NT5DC4: variants seen among roughly 807,000 people sequenced by gnomAD.
The protein encoded by NT5DC4 is 5'-nucleotidase domain containing 4.
In NT5DC4, 44 loss-of-function variants were observed where a neutral mutation model predicts 26.6. That is an observed-to-expected ratio of 1.65 (90% CI 1.30 to 2.13). The LOEUF is 2.13. NT5DC4 is among the 30% of genes most tolerant of loss of function. NT5DC4 has a pLI of 0.00. For missense variants in NT5DC4, 399 were observed against 228.1 expected (o/e 1.75, Z -4.83); for synonymous variants, 157 against 86.7 (o/e 1.81, Z -4.51).
intron 1 of NT5DC4, chr2:112,721,549 TG>T (rs1676860567): frequency 1.4e-6 from 1 of 717,748 alleles, no homozygotes; most frequent in East Asian, 2.7e-5. Context: ...GCCTGCATGG[TG>T]GGACAGCAAG....
At chr2:112,739,421 CA>C (rs1160233663), downstream of NT5DC4, among the ~76,000 whole-genome samples, 2 of 151,274 alleles carry the variant, frequency 1.3e-5, no homozygotes, top group African/African-American at 4.9e-5. Flanking sequence ...ACCCCAGTCT[CA>C]AAAAAAAGGC....
upstream of NT5DC4, among the ~76,000 whole-genome samples, chr2:112,720,012 C>CCTTCCTTCCTTCCTTCCTTCCTT (rs777830717): frequency 4.1e-4 from 40 of 97,654 alleles, no homozygotes; most frequent in African/African-American, 1.4e-3. Flanking sequence ...CTTTTCTTTT[C>CCTTCCTTCCTTCCTTCCTTCCTT]CCTTCCTTCC....
chr2:112,728,904 A>C (rs1008442428), intron 15 of NT5DC4, among the ~76,000 whole-genome samples: 1 of 152,062 alleles, frequency 6.6e-6, no homozygotes, highest in East Asian at 1.9e-4. Flanking sequence ...CACATGGGGG[A>C]ACTGGCTTTC....
chr2:112,732,930 C>T (rs1289673569), intron 16 of NT5DC4, among the ~76,000 whole-genome samples: 2 of 152,182 alleles, frequency 1.3e-5, no homozygotes, highest in African/African-American at 2.4e-5. Context: ...TAGATTAACA[C>T]GTGTCCTCAC....
intron 6 of NT5DC4, 67 bp from the exon 7 acceptor site, chr2:112,723,014 G>A: frequency 2.0e-6 from 1 of 499,680 alleles, no homozygotes; most frequent in Non-Finnish European, 3.8e-6. Flanking sequence ...TCTGGTGTGG[G>A]ACTCAGGGTT....
chr2:112,721,148 C>T lies in NT5DC4; in HGVS notation c.69C>T (p.His23=), dbSNP rs879069673. Among the ~76,000 whole-genome samples, 3 of 152,182 alleles carry T rather than the reference C, an allele frequency of 2.0e-5. No individual in the cohort carries two copies. The South Asian group carries it at 6.2e-4, about 32-fold the overall frequency. The change falls in exon 1 of 17, where the codon CAC becomes CAT. Residue 23 remains histidine, a synonymous_variant. Transcript: ENST00000688554. ...CTCAAGGCCCGAAGCAGGACTGGCA[C>T]CAGCGGTGAGATGGGCACCTGGGGT... ...VSPQGPKQDW[H]QRIFVNRSLA... is the part of the protein sequence containing the mutation.
intron 16 of NT5DC4, 108 bp from the exon 17 acceptor site, chr2:112,738,804 TA>T: frequency 2.6e-6 from 4 of 1,529,436 alleles, no homozygotes; most frequent in Non-Finnish European, 3.6e-6. Context: ...ACACCTTTTT[TA>T]AAAAAAGCAT....
chr2:112,740,760 C>CA, downstream of NT5DC4: 1 of 1,406,620 alleles, frequency 7.1e-7, no homozygotes, highest in South Asian at 1.3e-5. Context: ...AAGGAAAAAT[C>CA]GAGACTTGGA....
chr2:112,729,446 G>C (rs1485946791), intron 15 of NT5DC4, among the ~76,000 whole-genome samples, 181 bp from the exon 16 acceptor site: 1 of 152,242 alleles, frequency 6.6e-6, no homozygotes, highest in Non-Finnish European at 1.5e-5. Context: ...TTGAGGAAGT[G>C]AAGTCCAGCT....
chr2:112,730,567 G>A (rs894585014), intron 16 of NT5DC4, among the ~76,000 whole-genome samples: 4 of 152,114 alleles, frequency 2.6e-5, no homozygotes, highest in African/African-American at 7.2e-5. Context: ...GGCTTGACCC[G>A]CGTCTGAGCT....
At chr2:112,726,578 C>A (rs571497370) in intron 14 of NT5DC4, 100 bp from the exon 15 acceptor site, 1 of 708,572 alleles carries the variant, frequency 1.4e-6, no homozygotes. Context: ...GATGCCCGCA[C>A]GGTGTCCCCC....
intron 16 of NT5DC4, among the ~76,000 whole-genome samples, chr2:112,734,433 A>G (rs999660699): frequency 6.6e-6 from 1 of 152,166 alleles, no homozygotes; most frequent in Non-Finnish European, 1.5e-5. Context: ...CCATGAGGTT[A>G]TAAGATGGCT....
upstream of NT5DC4, among the ~76,000 whole-genome samples, chr2:112,720,459 G>T (rs72950338): frequency 1.3e-5 from 2 of 152,086 alleles, no homozygotes; most frequent in African/African-American, 4.8e-5. Context: ...GCTTGGTTGT[G>T]GAGCCAGTGG....
In NT5DC4 at chr2:112,723,434, C is replaced by T. The variant is rs1358067889; in HGVS notation, c.638C>T (p.Thr213Ile). 1.4e-6 allele frequency: 1 copy of T among 716,868 alleles called. No individual in the cohort carries two copies. Among genetic ancestry groups the T allele is most frequent in the Admixed American group, 2.0e-5 (1 of 49,968 alleles). The allele number at this position is 716,868 out of a possible 1,614,324, so 44.4% of individuals were successfully genotyped here. ...NIHQSGCLKK[T>I]LEDLEKYVKK... ...CTCCTGCAGGGCTGTCTCAAGAAGA[C>T]CCTGGAGGACTTGGAGAAATATGTG... The change falls in exon 8 of 17, where the codon ACC becomes ATC. Residue 213 changes from threonine (T) to isoleucine (I), a missense_variant. By Grantham distance (89) the Thr-to-Ile change is moderately conservative (BLOSUM62 -1). Transcript: ENST00000688554.
downstream of NT5DC4, chr2:112,741,116 A>G: frequency 2.7e-6 from 2 of 747,788 alleles, no homozygotes; most frequent in Non-Finnish European, 4.5e-6. Flanking sequence ...AGTGATCTTC[A>G]TGGGCTCCAC....
intron 11 of NT5DC4, 97 bp downstream of exon 11, chr2:112,725,003 G>GT: frequency 1.5e-6 from 1 of 673,360 alleles, no homozygotes; most frequent in Non-Finnish European, 2.8e-6. Flanking sequence ...CTGCTGGCCT[G>GT]TCTGTCCCTG....
Position 112,722,234 on chromosome 2 carries a change from C to G in NT5DC4, c.318C>G (p.His106Gln). The change falls in exon 4 of 17, where the codon CAC becomes CAG. Residue 106 changes from histidine to glutamine, a missense_variant. Transcript: ENST00000688554. ...LYGNLLKVDA[H>Q]GNVLLGAYGF... ...GGAACCTGCTGAAGGTGGACGCCCACGGGAATGTGCTGCTGGGTGCCTATG... is the reference window on the plus strand; with the variant it reads ...GGAACCTGCTGAAGGTGGACGCCCAGGGGAATGTGCTGCTGGGTGCCTATG... 1 of 717,006 alleles carries G rather than the reference C, an allele frequency of 1.4e-6. No homozygotes were observed. Among genetic ancestry groups the G allele is most frequent in the Non-Finnish European group, 2.6e-6 (1 of 385,074 alleles). The allele number at this position is 717,006 out of a possible 1,614,324, so 44.4% of individuals were successfully genotyped here. A position where few individuals can be genotyped will look rare whatever the true frequency, so the allele number is the denominator to read the frequency against.
At chr2:112,742,442 G>A, downstream of NT5DC4, 1 of 717,674 alleles carries the variant, frequency 1.4e-6, no homozygotes, top group Non-Finnish European at 2.6e-6. Context: ...TTTGTCTTCT[G>A]CCATCTAGGA....
At chr2:112,739,170 A>G (rs890610086), downstream of NT5DC4, 11 of 770,338 alleles carry the variant, frequency 1.4e-5, no homozygotes, top group Non-Finnish European at 1.9e-5. Context: ...GATACAAGAG[A>G]TATGTCTAGA....
Sources: allele counts gnomAD v4.1 joint callset (sites outside exome capture counted in the v4.1 genomes callset), GRCh38; gene constraint gnomAD v4.1.1; transcripts MANE v1.5; gene names NCBI Gene and HGNC (gene_info 2026-07-23, HGNC 2026-07-21).